Variants in VPS13C observed in about 807,000 individuals in gnomAD.
VPS13C encodes intermembrane lipid transfer protein VPS13C.
Under a neutral mutation model 456.8 loss-of-function variants are expected in VPS13C, and 358 were observed. The ratio of observed to expected loss-of-function variants is 0.78; its 90% CI spans 0.72 to 0.86. VPS13C has a LOEUF of 0.86. VPS13C is among the 40% of genes least tolerant of loss of function. The pLI is 0.00. For synonymous variants in VPS13C, 1,578 were observed against 1,486.7 expected (o/e 1.06, Z -1.41); for missense variants, 4,818 against 4,385.4 (o/e 1.10, Z -2.79).
chr15:61,973,425 A>G (rs1408331326), intron 26 of VPS13C, 29 bp downstream of exon 26: 2 of 1,559,270 alleles, frequency 1.3e-6, no homozygotes. Context: ...GCTTAATTTA[A>G]TAGAGAAAGA....
intron 74 of VPS13C, among the ~76,000 whole-genome samples, chr15:61,877,850 T>G (rs920777387): frequency 1.3e-4 from 19 of 151,984 alleles, no homozygotes; most frequent in South Asian, 6.2e-4. Context: ...TTTTCCCTTT[T>G]GCGAATTATC....
In VPS13C at chr15:62,023,509, C is replaced by A; in HGVS notation, c.526G>T (p.Glu176Ter). The change falls in exon 8 of 85, where the codon GAA becomes TAA. Residue 176 changes from glutamate to a stop codon, truncating the protein, a stop_gained. Coordinates refer to ENST00000644861, the MANE Select transcript of VPS13C (RefSeq NM_020821.3). LOFTEE classifies it high-confidence loss of function. ...GLDRSKDKPK[E>*]AKKDTFVEKL... ...TCCACAAATGTATCCTTTTTGGCTT[C>A]TTTTGGCTTATCTATTAAAAAATAG... 1 of 1,568,562 alleles carries A rather than the reference C, an allele frequency of 6.4e-7. No homozygotes were observed. Among genetic ancestry groups the A allele is most frequent in the Admixed American group, 2.0e-5 (1 of 48,980 alleles).
In VPS13C at chr15:61,853,257, G is replaced by C. The variant is rs1488477633; in HGVS notation, c.*1200C>G. ...AGTATTTAAAATACATTCTAGGCGT[G>C]CATTAGGAGTAAATGTTAATTTGTG... On this transcript the variant is annotated 3_prime_UTR_variant, in exon 85 of 85. Coordinates refer to ENST00000644861, the MANE Select transcript of VPS13C (RefSeq NM_020821.3). 2.0e-5 allele frequency: 3 copies of C among 152,098 alleles called. No homozygotes were observed. The highest frequency in any genetic ancestry group is 4.4e-5 in the Non-Finnish European group (3 of 68,014). 9.4% of individuals were successfully genotyped at this position (152,098 alleles called of 1,614,324 possible).
At chr15:61,963,392 T>C (rs964527995) in intron 32 of VPS13C, among the ~76,000 whole-genome samples, 1 of 151,910 alleles carries the variant, frequency 6.6e-6, no homozygotes, top group Non-Finnish European at 1.5e-5. Context: ...CTCATAGATA[T>C]TGTCACCATT....
intron 76 of VPS13C, 97 bp from the exon 77 acceptor site, chr15:61,875,048 G>T: frequency 9.4e-7 from 1 of 1,068,116 alleles, no homozygotes; most frequent in Non-Finnish European, 1.3e-6. Context: ...ATCCAAATCT[G>T]TAAAAATCCA....
intron 1 of VPS13C, among the ~76,000 whole-genome samples, chr15:62,050,253 G>C (rs138458306): frequency 6.6e-6 from 1 of 152,280 alleles, no homozygotes; most frequent in Non-Finnish European, 1.5e-5. Context: ...CCACAATCAA[G>C]TGGCTCTAAT....
At chr15:62,037,253 T>TA (rs1555449533) in intron 3 of VPS13C, among the ~76,000 whole-genome samples, 221 of 21,752 alleles carry the variant, frequency 0.01, 12 homozygotes, top group Non-Finnish European at 0.015. Flanking sequence ...TATAATATAT[T>TA]TATATATATT....
At chr15:62,003,019 A>T (rs2046690249) in intron 15 of VPS13C, among the ~76,000 whole-genome samples, 6 of 152,074 alleles carry the variant, frequency 3.9e-5, no homozygotes. Context: ...TTTTGGTTCC[A>T]TATGAACTTT....
In VPS13C at chr15:61,978,738, T is replaced by C. The variant is rs1156283115; in HGVS notation, c.2178A>G (p.Lys726=). 60 of 1,595,960 alleles carry C rather than the reference T, an allele frequency of 3.8e-5. No homozygotes were observed. Among genetic ancestry groups the C allele is most frequent in the Non-Finnish European group, 5.0e-5 (59 of 1,173,896 alleles). ...LDFGTFQLNS[K]DQGLQKTTNS... is the part of the protein sequence containing the mutation. Reference sequence around the variant, plus strand: ...TAGTAGTCTTCTGTAAACCTTGATCTTTACTGTTGAGCTAAAATGAAGGAC... The same window carrying C: ...TAGTAGTCTTCTGTAAACCTTGATCCTTACTGTTGAGCTAAAATGAAGGAC... Residue 726 remains lysine (K), a synonymous_variant, in exon 23 of 85, where the codon AAA becomes AAG. Transcript: ENST00000644861.
Position 61,936,586 on chromosome 15 carries a change from T to C in VPS13C, c.5755+11A>G. 6.6e-7 allele frequency: 1 copy of C among 1,518,408 alleles called. No homozygotes were observed. Among genetic ancestry groups the C allele is most frequent in the Non-Finnish European group, 8.8e-7 (1 of 1,135,106 alleles). The allele number at this position is 1,518,408 out of a possible 1,614,324, so 94.1% of individuals were successfully genotyped here. A position where few individuals can be genotyped will look rare whatever the true frequency, so the allele number is the denominator to read the frequency against. ...TTTTTTCTCCATAAAGTAAATATCATCAATTTATACCTTTGAGATGGTCAG... is the reference window on the plus strand; with the variant it reads ...TTTTTTCTCCATAAAGTAAATATCACCAATTTATACCTTTGAGATGGTCAG... On this transcript the variant is annotated intron_variant, in intron 48 of 84. Transcript: ENST00000644861.
intron 66 of VPS13C, among the ~76,000 whole-genome samples, chr15:61,903,897 C>T (rs1392175144): frequency 6.6e-6 from 1 of 152,068 alleles, no homozygotes; most frequent in South Asian, 2.1e-4. Context: ...GTGTCTTCAA[C>T]AAATGGTGCT....
rs956530930 is a variant in VPS13C, at chr15:61,996,994, C to CATATATATATATATATAT, written c.1353+3569_1353+3570insATATATATATATATATAT. On this transcript the variant is annotated intron_variant, in intron 16 of 84. Coordinates refer to ENST00000644861, the MANE Select transcript of VPS13C (RefSeq NM_020821.3). ...CATCCTTGCCTATATATTTTACATA[C>CATATATATATATATATAT]ATACATATATATATATATGTATAGA... is the stretch of plus-strand genomic sequence containing the variant. Among the ~76,000 whole-genome samples the CATATATATATATATATAT allele has an allele frequency of 1.3e-3, 187 of 142,364 alleles. 1 individual carries two copies. The highest frequency in any genetic ancestry group is 4.7e-3 in the African/African-American group (171 of 36,036). The allele number at this position is 142,364 out of a possible 152,430, so 93.4% of individuals were successfully genotyped here.
Position 62,012,307 on chromosome 15 carries a change from A to G in VPS13C, c.826-143T>C, listed in dbSNP as rs976057989. 5.2e-5 allele frequency: 28 copies of G among 534,450 alleles called. No individual in the cohort carries two copies. In the Admixed American group the frequency reaches 7.5e-4, roughly 14 times the overall value. 33.1% of individuals were successfully genotyped at this position (534,450 alleles called of 1,614,324 possible). The stretch of plus-strand genomic sequence containing the variant: ...TTTGCTTCTCTGTTACTAGTAGTCA[A>G]TAAGAAAAATACACGGAGCATTATT... On this transcript the variant is annotated intron_variant, in intron 11 of 84. Transcript: ENST00000644861.
intron 9 of VPS13C, 85 bp from the exon 10 acceptor site, chr15:62,014,077 T>A: frequency 1.0e-6 from 1 of 954,668 alleles, no homozygotes; most frequent in East Asian, 2.5e-5. Flanking sequence ...AACAAAATAA[T>A]TTAGGAAGAA....
At chr15:61,946,465 G>C in intron 43 of VPS13C, 55 bp from the exon 44 acceptor site, 1 of 1,335,030 alleles carries the variant, frequency 7.5e-7, no homozygotes, top group Non-Finnish European at 1.0e-6. Flanking sequence ...GACTAAGCCA[G>C]TGGTATTTAA....
intron 32 of VPS13C, 56 bp downstream of exon 32, chr15:61,963,779 A>G: frequency 7.7e-7 from 1 of 1,305,802 alleles, no homozygotes; most frequent in Non-Finnish European, 1.1e-6. Context: ...GCAAAGAGAC[A>G]AAAAGAAGGA....
intron 65 of VPS13C, among the ~76,000 whole-genome samples, chr15:61,908,708 T>TA (rs1460274855): frequency 6.6e-6 from 1 of 152,200 alleles, no homozygotes; most frequent in African/African-American, 2.4e-5. Context: ...GGAAATTTGG[T>TA]ATCAAAACTC....
intron 18 of VPS13C, among the ~76,000 whole-genome samples, chr15:61,987,502 C>A (rs1428168713): frequency 6.6e-6 from 1 of 152,160 alleles, no homozygotes; most frequent in East Asian, 1.9e-4. Context: ...AGAATTAACT[C>A]ACTATCACGA....
intron 26 of VPS13C, 114 bp from the exon 27 acceptor site, chr15:61,972,878 A>G: frequency 8.6e-7 from 1 of 1,163,494 alleles, no homozygotes; most frequent in Non-Finnish European, 1.2e-6. Flanking sequence ...TAATCTTCAT[A>G]TTCAGCATCA....
Sources: gnomAD v4.1 joint callset for allele counts (sites outside exome capture counted in the v4.1 genomes callset) on GRCh38, gnomAD v4.1.1 for gene constraint, MANE v1.5 for transcripts, NCBI Gene and HGNC (gene_info 2026-07-23, HGNC 2026-07-21) for gene names.